IKBKB-DT: variants seen among roughly 807,000 people sequenced by gnomAD.
The protein encoded by IKBKB-DT is IKBKB divergent transcript, also known as IKBKB antisense RNA.
chr8:42,239,636 T>TATATATATATTTATATATATATA (rs55662464), intron 3 of IKBKB-DT, among the ~76,000 whole-genome samples: 1 of 28,208 alleles, frequency 3.5e-5, no homozygotes, highest in Non-Finnish European at 7.1e-5. Flanking sequence ...ATATATATAT[T>TATATATATATTTATATATATATA]TATTTATTTA....
intron 3 of IKBKB-DT, among the ~76,000 whole-genome samples, chr8:42,245,106 T>A (rs1807046518): frequency 6.6e-6 from 1 of 150,648 alleles, no homozygotes; most frequent in Non-Finnish European, 1.5e-5. Flanking sequence ...AAAAAAAAAA[T>A]TAGCCAGGCG....
chr8:42,245,034 G>A (rs1436038660), intron 3 of IKBKB-DT, among the ~76,000 whole-genome samples: 3 of 152,032 alleles, frequency 2.0e-5, no homozygotes, highest in Non-Finnish European at 4.4e-5. Flanking sequence ...AGGATCACGA[G>A]GTCAGGAGAT....
intron 3 of IKBKB-DT, among the ~76,000 whole-genome samples, chr8:42,255,030 G>A (rs888509147): frequency 2.7e-5 from 4 of 149,956 alleles, no homozygotes; most frequent in African/African-American, 4.9e-5. Flanking sequence ...TGTGAGGAGC[G>A]CGTCTGCCCA....
chr8:42,255,830 C>G (rs757147218), intron 3 of IKBKB-DT, among the ~76,000 whole-genome samples: 26 of 151,904 alleles, frequency 1.7e-4, no homozygotes, highest in Non-Finnish European at 3.2e-4. Flanking sequence ...TCAAGACCAG[C>G]CTGGCCAACA....
chr8:42,261,815 G>A (rs570631849), intron 3 of IKBKB-DT, among the ~76,000 whole-genome samples: 31 of 152,304 alleles, frequency 2.0e-4, no homozygotes, highest in African/African-American at 7.5e-4. Context: ...CAGATGGGAT[G>A]CAGCCCACAC....
At chr8:42,238,725 C>G (rs1585459070) in intron 3 of IKBKB-DT, among the ~76,000 whole-genome samples, 1 of 152,216 alleles carries the variant, frequency 6.6e-6, no homozygotes, top group Non-Finnish European at 1.5e-5. Context: ...GACCAACTGA[C>G]TCCACCTGGA....
At chr8:42,234,922 G>A (rs1022707714) in intron 3 of IKBKB-DT, among the ~76,000 whole-genome samples, 3 of 152,014 alleles carry the variant, frequency 2.0e-5, no homozygotes, top group Non-Finnish European at 4.4e-5. Context: ...GAGCAACTGC[G>A]CTGGCCTATT....
chr8:42,250,677 C>T (rs538120640), intron 3 of IKBKB-DT, among the ~76,000 whole-genome samples: 1 of 152,254 alleles, frequency 6.6e-6, no homozygotes, highest in East Asian at 1.9e-4. Flanking sequence ...GGTGATGGGG[C>T]TTGGCAAGAT....
At chr8:42,250,860 G>T (rs1807121185) in intron 3 of IKBKB-DT, among the ~76,000 whole-genome samples, 1 of 152,176 alleles carries the variant, frequency 6.6e-6, no homozygotes, top group Non-Finnish European at 1.5e-5. Flanking sequence ...TCCAGCCTGG[G>T]CAACAGAGTG....
intron 3 of IKBKB-DT, among the ~76,000 whole-genome samples, chr8:42,254,585 T>C (rs1807170371): frequency 6.9e-6 from 1 of 145,568 alleles, no homozygotes; most frequent in African/African-American, 2.6e-5. Flanking sequence ...CTGCCCACTG[T>C]CTGGGAAGTG....
chr8:42,269,939 A>G (rs1424938323), intron 1 of IKBKB-DT, among the ~76,000 whole-genome samples: 1 of 152,172 alleles, frequency 6.6e-6, no homozygotes, highest in Non-Finnish European at 1.5e-5. Flanking sequence ...GCTGTTTTCA[A>G]TTTCCAAAAA....
intron 2 of IKBKB-DT, among the ~76,000 whole-genome samples, chr8:42,265,162 C>G (rs1245218241): frequency 6.6e-6 from 1 of 152,156 alleles, no homozygotes; most frequent in East Asian, 1.9e-4. Flanking sequence ...CGTGCCCAGC[C>G]CATTTTATTT....
At chr8:42,237,484 C>T (rs1004123724) in intron 3 of IKBKB-DT, among the ~76,000 whole-genome samples, 10 of 152,148 alleles carry the variant, frequency 6.6e-5, no homozygotes, top group African/African-American at 1.7e-4. Context: ...CCTCCTTTCC[C>T]GTAATGCCTG....
chr8:42,259,043 G>A (rs1030305682), intron 3 of IKBKB-DT, among the ~76,000 whole-genome samples: 2 of 149,232 alleles, frequency 1.3e-5, no homozygotes, highest in Non-Finnish European at 3.0e-5. Flanking sequence ...TCTTTTTTCC[G>A]AGATGGAGTT....
At chr8:42,262,395 C>T (rs1349400035) in intron 3 of IKBKB-DT, among the ~76,000 whole-genome samples, 1 of 150,996 alleles carries the variant, frequency 6.6e-6, no homozygotes, top group African/African-American at 2.4e-5. Flanking sequence ...ACTGACATCA[C>T]ACAGATCCAG....
exon 1 of IKBKB-DT, chr8:42,270,782 C>T (rs1393329111): frequency 6.6e-6 from 1 of 152,618 alleles, no homozygotes; most frequent in East Asian, 1.9e-4. Flanking sequence ...GTCACCGGGG[C>T]TGGGGGTGCA....
intron 3 of IKBKB-DT, among the ~76,000 whole-genome samples, chr8:42,252,939 C>T (rs1278881135): frequency 6.6e-6 from 1 of 152,146 alleles, no homozygotes; most frequent in Non-Finnish European, 1.5e-5. Flanking sequence ...AAACATGTTT[C>T]TTTGCCATAT....
At chr8:42,253,129 C>A (rs1292887051) in intron 3 of IKBKB-DT, among the ~76,000 whole-genome samples, 3 of 152,180 alleles carry the variant, frequency 2.0e-5, no homozygotes, top group African/African-American at 4.8e-5. Flanking sequence ...TCTCTAAGGG[C>A]AGCCACTATA....
At chr8:42,268,732 A>G (rs2129940601) in intron 1 of IKBKB-DT, among the ~76,000 whole-genome samples, 2 of 150,592 alleles carry the variant, frequency 1.3e-5, no homozygotes, top group Middle Eastern at 3.5e-3. Flanking sequence ...ACGCCCAGCT[A>G]ATTTTTGTAT....
Sources: allele counts gnomAD v4.1 joint callset (sites outside exome capture counted in the v4.1 genomes callset), GRCh38; gene constraint gnomAD v4.1.1; transcripts MANE v1.5; gene names NCBI Gene and HGNC (gene_info 2026-07-23, HGNC 2026-07-21).